SH3PXD2B: variants seen among roughly 807,000 people sequenced by gnomAD.
The protein encoded by SH3PXD2B is SH3 and PX domain-containing protein 2B.
In SH3PXD2B, 37 loss-of-function variants were observed where a neutral mutation model predicts 73.1. The observed-to-expected ratio is 0.51, with a 90% CI of 0.39 to 0.67. The LOEUF is 0.67. SH3PXD2B is among the 30% of genes least tolerant of loss of function. The pLI is 0.00. For missense variants in SH3PXD2B, 1,053 were observed against 1,197.8 expected (o/e 0.88, Z 1.78); for synonymous variants, 457 against 480.5 (o/e 0.95, Z 0.64).
chr5:172,358,713 A>C, intron 8 of SH3PXD2B, 60 bp downstream of exon 8: 1 of 1,471,800 alleles, frequency 6.8e-7, no homozygotes, highest in Non-Finnish European at 9.3e-7. Flanking sequence ...AAGGCAACCC[A>C]GTATAGGCGA....
At chr5:172,358,463 G>C (rs902865147) in intron 8 of SH3PXD2B, among the ~76,000 whole-genome samples, 3 of 152,210 alleles carry the variant, frequency 2.0e-5, no homozygotes, top group Non-Finnish European at 4.4e-5. Context: ...AATAATTCGA[G>C]GGAGGAATAG....
chr5:172,355,794 T>C (rs1581270890), intron 8 of SH3PXD2B, among the ~76,000 whole-genome samples: 1 of 152,114 alleles, frequency 6.6e-6, no homozygotes, highest in African/African-American at 2.4e-5. Flanking sequence ...TCCGCCCGCC[T>C]CGGCCTCCCA....
At chr5:172,435,993 G>C (rs1384705771) in intron 1 of SH3PXD2B, among the ~76,000 whole-genome samples, 1 of 152,204 alleles carries the variant, frequency 6.6e-6, no homozygotes, top group Non-Finnish European at 1.5e-5. Context: ...TGGCATCCCT[G>C]GTCTAGATCA....
rs1758201832 is a variant in SH3PXD2B at position 172,391,994 on chromosome 5, T to C, written c.309+2569A>G. ...TCCACTTTGAGTTGATTTTCATGCA[T>C]GGTATGAGATAAGGATCTAACTTCA... On this transcript the variant is annotated intron_variant, in intron 4 of 12. Transcript: ENST00000311601. Among the ~76,000 whole-genome samples the C allele has an allele frequency of 3.9e-5, 6 of 152,282 alleles. 1 individual carries two copies. In the South Asian group the frequency reaches 1.2e-3, roughly 32 times the overall value.
intron 1 of SH3PXD2B, among the ~76,000 whole-genome samples, chr5:172,426,071 C>G (rs1375456939): frequency 6.6e-6 from 1 of 152,120 alleles, no homozygotes; most frequent in African/African-American, 2.4e-5. Flanking sequence ...AAAGCACACT[C>G]CCATAGATGG....
At chr5:172,350,030 T>C (rs996116865) in intron 10 of SH3PXD2B, among the ~76,000 whole-genome samples, 2 of 152,156 alleles carry the variant, frequency 1.3e-5, no homozygotes, top group African/African-American at 4.8e-5. Context: ...AATTTTTGTA[T>C]TTTTAGTAGA....
At chr5:172,436,167 G>T (rs1759381446) in intron 1 of SH3PXD2B, among the ~76,000 whole-genome samples, 1 of 152,222 alleles carries the variant, frequency 6.6e-6, no homozygotes, top group South Asian at 2.1e-4. Context: ...TAAGAGACTT[G>T]CCCAGAGAGC....
chr5:172,454,217 C>T, intron 1 of SH3PXD2B, 61 bp downstream of exon 1: 1 of 1,447,198 alleles, frequency 6.9e-7, no homozygotes, highest in Non-Finnish European at 9.4e-7. Context: ...AAGCCGGGGG[C>T]CCTCGGTCGC....
intron 11 of SH3PXD2B, among the ~76,000 whole-genome samples, chr5:172,346,773 A>T (rs925693172): frequency 2.0e-5 from 3 of 151,994 alleles, no homozygotes; most frequent in African/African-American, 7.3e-5. Context: ...TAAATAGCAG[A>T]CATTAAAAAA....
chr5:172,350,298 G>A (rs901949411), intron 10 of SH3PXD2B, 65 bp downstream of exon 10: 29 of 1,515,360 alleles, frequency 1.9e-5, no homozygotes, highest in Admixed American at 6.9e-5. Context: ...GATGTGAGAC[G>A]CCTTGAGCAC....
At chr5:172,386,381 T>C (rs1758060865) in intron 4 of SH3PXD2B, among the ~76,000 whole-genome samples, 1 of 152,190 alleles carries the variant, frequency 6.6e-6, no homozygotes, top group African/African-American at 2.4e-5. Context: ...TTATGTTAAA[T>C]GACAATATCT....
At chr5:172,344,915 A>G (rs1756955638) in intron 12 of SH3PXD2B, among the ~76,000 whole-genome samples, 1 of 151,836 alleles carries the variant, frequency 6.6e-6, no homozygotes, top group Admixed American at 6.6e-5. Flanking sequence ...AGGGAAAAGG[A>G]AGGAGGAGGA....
At chr5:172,329,346 A>G (rs1756510350), downstream of SH3PXD2B, among the ~76,000 whole-genome samples, 1 of 150,938 alleles carries the variant, frequency 6.6e-6, no homozygotes, top group Middle Eastern at 3.2e-3. Context: ...AGCCTCCCAA[A>G]GTACTGGGAT....
At chr5:172,367,424 C>T (rs557187642) in intron 6 of SH3PXD2B, among the ~76,000 whole-genome samples, 1 of 143,642 alleles carries the variant, frequency 7.0e-6, no homozygotes, top group South Asian at 2.3e-4. Context: ...TTTGGGGTTT[C>T]ACCATGTTGC....
At chr5:172,451,078 G>A (rs994797026) in intron 1 of SH3PXD2B, among the ~76,000 whole-genome samples, 1 of 152,214 alleles carries the variant, frequency 6.6e-6, no homozygotes, top group Admixed American at 6.5e-5. Flanking sequence ...CTCTGCCTGC[G>A]GGTGACTGAG....
chr5:172,348,818 C>T (rs1224598676), intron 10 of SH3PXD2B, among the ~76,000 whole-genome samples: 1 of 152,076 alleles, frequency 6.6e-6, no homozygotes. Context: ...GTGATCCTCC[C>T]GCCTCAGCCA....
Position 172,336,510 on chromosome 5 carries a change from A to G in SH3PXD2B, c.*1859T>C. On this transcript the variant is annotated 3_prime_UTR_variant, in exon 13 of 13. Coordinates refer to ENST00000311601, the MANE Select transcript of SH3PXD2B (RefSeq NM_001017995.3). ...GGTGATCAGAGGAAGCTCCTCACGC[A>G]GAAGCAGCCAGCACCCACGTGATAG... The G allele has an allele frequency of 1.0e-6, 1 of 969,304 alleles. No homozygotes were observed. The highest frequency in any genetic ancestry group is 1.2e-6 in the Non-Finnish European group (1 of 824,376). The allele number at this position is 969,304 out of a possible 1,614,324, so 60.0% of individuals were successfully genotyped here.
rs188117189 is a variant in SH3PXD2B, at chr5:172,390,665, T to C, written c.309+3898A>G. Among the ~76,000 whole-genome samples, 91 of 152,380 alleles carry C rather than the reference T, an allele frequency of 6.0e-4. 1 individual carries two copies. The highest frequency in any genetic ancestry group is 2.1e-3 in the Admixed American group (32 of 15,304). Reference sequence around the variant, plus strand: ...GATCACTTCCAGTTGTTGGCTATTATGAATTAATGTTGCCATGAACATTTG... The same window carrying C: ...GATCACTTCCAGTTGTTGGCTATTACGAATTAATGTTGCCATGAACATTTG... On this transcript the variant is annotated intron_variant, in intron 4 of 12. Coordinates refer to ENST00000311601, the MANE Select transcript of SH3PXD2B (RefSeq NM_001017995.3).
intron 2 of SH3PXD2B, among the ~76,000 whole-genome samples, 153 bp from the exon 3 acceptor site, chr5:172,406,505 C>A (rs756861037): frequency 9.2e-5 from 14 of 152,270 alleles, no homozygotes; most frequent in Non-Finnish European, 1.9e-4. Flanking sequence ...ATGGGAAAGG[C>A]AATTTCAGTT....
Sources: gnomAD v4.1 joint callset for allele counts (sites outside exome capture counted in the v4.1 genomes callset) on GRCh38, gnomAD v4.1.1 for gene constraint, MANE v1.5 for transcripts, NCBI Gene and HGNC (gene_info 2026-07-23, HGNC 2026-07-21) for gene names.